The following CPNE4 variants were observed in gnomAD, a reference collection of about 807,000 sequenced individuals.
CPNE4 encodes the protein copine-4.
CPNE4 carries 25 observed loss-of-function variants against 67.9 expected under a neutral mutation model. The observed-to-expected ratio is 0.37, with a 90% CI of 0.27 to 0.51. CPNE4 has a LOEUF of 0.51. Among genes scored for constraint, CPNE4 ranks in the 20% least tolerant of loss-of-function variants. CPNE4 has a pLI of 0.93. For missense variants in CPNE4, 464 were observed against 690.8 expected (o/e 0.67, Z 3.68); for synonymous variants, 242 against 244.9 (o/e 0.99, Z 0.11).
intron 9 of CPNE4, among the ~76,000 whole-genome samples, chr3:131,578,999 G>A (rs376520346): frequency 3.3e-5 from 5 of 151,948 alleles, no homozygotes; most frequent in African/African-American, 4.9e-5. Flanking sequence ...ACTAAACAAC[G>A]GATTTTCATT....
intron 1 of CPNE4, among the ~76,000 whole-genome samples, chr3:131,964,679 G>T (rs1404573909): frequency 6.6e-6 from 1 of 151,822 alleles, no homozygotes; most frequent in Non-Finnish European, 1.5e-5. Context: ...AGGGAAAAAA[G>T]AATGAAAAGG....
At chr3:131,563,958 T>C (rs540090907) in intron 11 of CPNE4, among the ~76,000 whole-genome samples, 12 of 152,162 alleles carry the variant, frequency 7.9e-5, no homozygotes, top group South Asian at 4.1e-4. Context: ...GGCTAAGACT[T>C]CACAAAATGG....
chr3:131,712,117 T>G (rs1428987081), intron 3 of CPNE4, among the ~76,000 whole-genome samples: 2 of 151,848 alleles, frequency 1.3e-5, no homozygotes, highest in Admixed American at 6.6e-5. Flanking sequence ...CACATTTGTT[T>G]AAAAATCTAC....
At chr3:131,801,347 A>G (rs1560343177) in intron 2 of CPNE4, among the ~76,000 whole-genome samples, 7 of 99,290 alleles carry the variant, frequency 7.1e-5, no homozygotes, top group African/African-American at 2.3e-4. Flanking sequence ...ATATATATAT[A>G]TATGTACCAT....
At chr3:132,028,507 G>C (rs2074164821) in intron 1 of CPNE4, among the ~76,000 whole-genome samples, 1 of 152,250 alleles carries the variant, frequency 6.6e-6, no homozygotes, top group Non-Finnish European at 1.5e-5. Flanking sequence ...TCTGCTGAGG[G>C]GGAAGGGGTA....
At chr3:131,683,608 T>C (rs2080811501) in intron 6 of CPNE4, among the ~76,000 whole-genome samples, 1 of 152,030 alleles carries the variant, frequency 6.6e-6, no homozygotes, top group Non-Finnish European at 1.5e-5. Context: ...ACGCATTCCT[T>C]GGTGGTGCAT....
chr3:131,801,385 AT>A (rs1452593480), intron 2 of CPNE4, among the ~76,000 whole-genome samples: 5 of 88,886 alleles, frequency 5.6e-5, no homozygotes, highest in Admixed American at 4.1e-4. Context: ...ATATATATAT[AT>A]GGTACATATA....
At chr3:131,582,916 G>C (rs964676582) in intron 8 of CPNE4, among the ~76,000 whole-genome samples, 8 of 152,176 alleles carry the variant, frequency 5.3e-5, no homozygotes, top group African/African-American at 1.4e-4. Flanking sequence ...TGCCAACCTA[G>C]CGAATGTTGA....
chr3:132,002,412 A>C (rs2073479015), intron 1 of CPNE4, among the ~76,000 whole-genome samples: 2 of 152,170 alleles, frequency 1.3e-5, no homozygotes, highest in South Asian at 4.1e-4. Context: ...AATACAAGGC[A>C]GTGAAGTTCC....
At chr3:131,547,549 G>C (rs1441700608) in intron 14 of CPNE4, among the ~76,000 whole-genome samples, 4 of 143,014 alleles carry the variant, frequency 2.8e-5, no homozygotes, top group Non-Finnish European at 6.0e-5. Flanking sequence ...AATGAGCAGA[G>C]AGGAGTCATG....
chr3:131,546,068 C>CA (rs1313139804), intron 14 of CPNE4, among the ~76,000 whole-genome samples: 2 of 151,930 alleles, frequency 1.3e-5, no homozygotes, highest in East Asian at 1.9e-4. Context: ...AAACAAAACA[C>CA]AAAAAACCAC....
intron 2 of CPNE4, among the ~76,000 whole-genome samples, chr3:131,758,177 G>C (rs2082799739): frequency 6.6e-6 from 1 of 152,134 alleles, no homozygotes; most frequent in Non-Finnish European, 1.5e-5. Context: ...CCAACAGCTT[G>C]CACCATCTGT....
chr3:131,537,601 C>A, intron 15 of CPNE4: 1 of 303,474 alleles, frequency 3.3e-6, no homozygotes, highest in South Asian at 3.0e-5. Flanking sequence ...TTGTACATTT[C>A]TGATGAACAT....
chr3:131,893,608 A>T (rs911659049), intron 2 of CPNE4, among the ~76,000 whole-genome samples: 5 of 152,010 alleles, frequency 3.3e-5, no homozygotes, highest in Non-Finnish European at 7.4e-5. Flanking sequence ...TAAAGATCAC[A>T]TCAAGTATCC....
At chr3:131,850,911 G>T (rs978300859) in intron 2 of CPNE4, among the ~76,000 whole-genome samples, 3 of 152,010 alleles carry the variant, frequency 2.0e-5, no homozygotes. Context: ...TAACCATTTT[G>T]CTGGGATAAT....
At chr3:131,592,628 TACACACAC>T (rs1192354257) in intron 7 of CPNE4, among the ~76,000 whole-genome samples, 1 of 149,282 alleles carries the variant, frequency 6.7e-6, no homozygotes, top group Admixed American at 6.7e-5. Flanking sequence ...TGTGTGTATA[TACACACAC>T]ATATATATGT....
intron 4 of CPNE4, among the ~76,000 whole-genome samples, chr3:131,699,410 G>C (rs1307922530): frequency 6.6e-6 from 1 of 152,128 alleles, no homozygotes; most frequent in African/African-American, 2.4e-5. Flanking sequence ...GAATCACACA[G>C]TAAACCTCCA....
intron 6 of CPNE4, among the ~76,000 whole-genome samples, chr3:131,674,122 A>G (rs979403304): frequency 6.6e-6 from 1 of 151,962 alleles, no homozygotes; most frequent in African/African-American, 2.4e-5. Context: ...ACATTGATTG[A>G]TTTGCATATG....
chr3:131,874,837 A>G (rs2087373388), intron 2 of CPNE4, among the ~76,000 whole-genome samples: 1 of 152,226 alleles, frequency 6.6e-6, no homozygotes, highest in Non-Finnish European at 1.5e-5. Context: ...TTAAAGTCAA[A>G]TTAAACATTA....
Sources: allele counts gnomAD v4.1 joint callset (sites outside exome capture counted in the v4.1 genomes callset), GRCh38; gene constraint gnomAD v4.1.1; transcripts MANE v1.5; gene names NCBI Gene and HGNC (gene_info 2026-07-23, HGNC 2026-07-21).